Variants in DGLUCY observed in about 807,000 individuals in gnomAD.
DGLUCY encodes D-glutamate cyclase, mitochondrial.
In DGLUCY, 58 loss-of-function variants were observed where a neutral mutation model predicts 58.5. The ratio of observed to expected loss-of-function variants is 0.99; its 90% CI spans 0.80 to 1.23. The LOEUF is 1.23. Ranked by LOEUF, DGLUCY falls within the 50% of genes most tolerant of loss-of-function variation. The probability of loss-of-function intolerance (pLI) is 0.00; values close to 1 mark genes in which losing one functional copy is unlikely to be tolerated. For missense variants in DGLUCY, 779 were observed against 784.7 expected, an observed-to-expected ratio of 0.99 and a Z score of 0.09; for synonymous variants, 325 against 314.1, an observed-to-expected ratio of 1.03 and a Z score of -0.37.
intron 1 of DGLUCY, among the ~76,000 whole-genome samples, chr14:91,137,558 T>TG (rs1055612087): frequency 1.3e-5 from 2 of 151,498 alleles, no homozygotes; most frequent in East Asian, 1.9e-4. Flanking sequence ...GCTAATTTTT[T>TG]TTTTTTTTTT....
intron 12 of DGLUCY, among the ~76,000 whole-genome samples, chr14:91,212,416 A>G (rs1885830291): frequency 6.6e-6 from 1 of 152,224 alleles, no homozygotes; most frequent in Non-Finnish European, 1.5e-5. Flanking sequence ...AATGGAGATA[A>G]TAATAGTACT....
At chr14:91,199,964 G>A (rs2050453726) in intron 11 of DGLUCY, 59 bp downstream of exon 11, 1 of 1,598,812 alleles carries the variant, frequency 6.3e-7, no homozygotes, top group African/African-American at 1.3e-5. Flanking sequence ...GTCTTTTGTT[G>A]TTGTTGTTGT....
At chr14:91,099,488 G>A (rs537035408) in intron 1 of DGLUCY, among the ~76,000 whole-genome samples, 17 of 148,668 alleles carry the variant, frequency 1.1e-4, no homozygotes, top group African/African-American at 4.0e-4. Flanking sequence ...AGCTGCGATC[G>A]CACCACTGTA....
chr14:91,200,069 C>T (rs1430519780), intron 11 of DGLUCY, among the ~76,000 whole-genome samples, 164 bp downstream of exon 11: 4 of 152,118 alleles, frequency 2.6e-5, no homozygotes, highest in Non-Finnish European at 5.9e-5. Flanking sequence ...ATTCTTCTGC[C>T]TCAGCCTCCC....
chr14:91,182,215 A>G (rs1324582532), intron 8 of DGLUCY, among the ~76,000 whole-genome samples: 1 of 152,160 alleles, frequency 6.6e-6, no homozygotes, highest in Non-Finnish European at 1.5e-5. Context: ...TCCTGACATC[A>G]GGTAATCCAC....
chr14:91,106,308 C>T (rs1288424500), upstream of DGLUCY, among the ~76,000 whole-genome samples: 1 of 149,926 alleles, frequency 6.7e-6, no homozygotes, highest in Non-Finnish European at 1.5e-5. Context: ...ACTCCATTCC[C>T]TACCCCCCCC....
rs1386228961 is a variant in DGLUCY, at chr14:91,189,171, G to A, written c.1195+1G>A. On this transcript the variant is annotated splice_donor_variant, in intron 9 of 13. Coordinates refer to ENST00000256324, the MANE Select transcript of DGLUCY (RefSeq NM_001102368.3). LOFTEE classifies it high-confidence loss of function. ...ATTGTTGAAGATGCTGTTGAGCAAG[G>A]TAAGCAGTGAGATGGGCTTGGTCCA... is the stretch of plus-strand genomic sequence containing the variant. The A allele has an allele frequency of 6.2e-7, 1 of 1,613,948 alleles. No individual in the cohort carries two copies. Among genetic ancestry groups the A allele is most frequent in the African/African-American group, 1.3e-5 (1 of 74,952 alleles).
Position 91,199,860 on chromosome 14 carries a change from G to T in DGLUCY, c.1399G>T (p.Asp467Tyr). The T allele has an allele frequency of 1.2e-6, 2 of 1,614,134 alleles. No homozygotes were observed. The highest frequency in any genetic ancestry group is 1.7e-6 in the Non-Finnish European group (2 of 1,180,022). The change falls in exon 11 of 14, where the codon GAT (aspartate) becomes TAT (tyrosine). Residue 467 changes from aspartate (D) to tyrosine (Y), a missense_variant. Transcript: ENST00000256324. ...CAAGCACTTGGTTGACCCCATTGACGATCTTTTTCTTGCTGCGAAGAAGAT... is the reference window on the plus strand; with the variant it reads ...CAAGCACTTGGTTGACCCCATTGACTATCTTTTTCTTGCTGCGAAGAAGAT... ...NIKHLVDPID[D>Y]LFLAAKKIPG...
At chr14:91,199,699 A>G in intron 10 of DGLUCY, 58 bp from the exon 11 acceptor site, 1 of 1,585,022 alleles carries the variant, frequency 6.3e-7, no homozygotes, top group Non-Finnish European at 8.6e-7. Flanking sequence ...GGCATGACCC[A>G]GCAAAGCAGC....
chr14:91,220,206 C>T (rs1887236538), intron 13 of DGLUCY, among the ~76,000 whole-genome samples: 2 of 152,230 alleles, frequency 1.3e-5, no homozygotes, highest in Admixed American at 6.5e-5. Flanking sequence ...CAAGCCCTGG[C>T]TCCGCCCACT....
chr14:91,167,520 T>C (rs1263465919), intron 4 of DGLUCY, 142 bp downstream of exon 4: 2 of 1,130,300 alleles, frequency 1.8e-6, no homozygotes, highest in East Asian at 2.4e-5. Flanking sequence ...TGACTGTTGC[T>C]CAGGAACGAG....
chr14:91,152,996 T>C (rs2047407519), intron 1 of DGLUCY, among the ~76,000 whole-genome samples: 1 of 152,140 alleles, frequency 6.6e-6, no homozygotes, highest in Non-Finnish European at 1.5e-5. Context: ...AGAAGGAGCC[T>C]GGGTTATGAA....
At chr14:91,156,116 CT>C (rs765375231) in intron 1 of DGLUCY, among the ~76,000 whole-genome samples, 347 of 141,746 alleles carry the variant, frequency 2.4e-3, no homozygotes, top group Middle Eastern at 7.2e-3. Flanking sequence ...TAGCCTCATT[CT>C]TTTTTTTTTT....
chr14:91,213,901 T>C (rs1886109542), intron 12 of DGLUCY, among the ~76,000 whole-genome samples: 1 of 152,174 alleles, frequency 6.6e-6, no homozygotes, highest in African/African-American at 2.4e-5. Flanking sequence ...GGTTTCACCA[T>C]GTTGGCCAGG....
intron 13 of DGLUCY, among the ~76,000 whole-genome samples, chr14:91,217,125 C>G (rs944608672): frequency 1.3e-5 from 2 of 152,250 alleles, no homozygotes; most frequent in Non-Finnish European, 2.9e-5. Context: ...GGGACATTCA[C>G]AATGCCTCAG....
At chr14:91,147,180 C>G (rs2047056912) in intron 1 of DGLUCY, among the ~76,000 whole-genome samples, 1 of 152,180 alleles carries the variant, frequency 6.6e-6, no homozygotes, top group African/African-American at 2.4e-5. Context: ...AAAAGTAGCA[C>G]TGCCAGCATT....
In DGLUCY at chr14:91,212,798, C is replaced by G. The variant is rs188475026; in HGVS notation, c.1565-2607C>G. 2.5e-3 allele frequency among the ~76,000 whole-genome samples: 381 copies of G among 151,898 alleles called. 1 individual carries two copies. The highest frequency in any genetic ancestry group is 8.6e-3 in the African/African-American group (355 of 41,434). On this transcript the variant is annotated intron_variant, in intron 12 of 13. Coordinates refer to ENST00000256324, the MANE Select transcript of DGLUCY (RefSeq NM_001102368.3). Reference sequence around the variant, plus strand: ...CAGGCAGATCACGAGGTTAGGAGATCGAGACCATCCTGGCTAACATGGTGA... The same window carrying G: ...CAGGCAGATCACGAGGTTAGGAGATGGAGACCATCCTGGCTAACATGGTGA...
chr14:91,163,862 C>T (rs1026838952), intron 3 of DGLUCY, among the ~76,000 whole-genome samples: 1 of 152,132 alleles, frequency 6.6e-6, no homozygotes, highest in African/African-American at 2.4e-5. Flanking sequence ...TATTAGCCCA[C>T]AAGATTATTG....
chr14:91,181,132 T>C, intron 7 of DGLUCY, 54 bp from the exon 8 acceptor site: 1 of 1,554,424 alleles, frequency 6.4e-7, no homozygotes, highest in South Asian at 1.1e-5. Context: ...TAGATGAGGG[T>C]AGGCTGGACT....
Sources: allele counts gnomAD v4.1 joint callset (sites outside exome capture counted in the v4.1 genomes callset), GRCh38; gene constraint gnomAD v4.1.1; transcripts MANE v1.5; gene names NCBI Gene and HGNC (gene_info 2026-07-23, HGNC 2026-07-21).